Variants in CPLANE1 observed in about 807,000 individuals in gnomAD.
CPLANE1 encodes ciliogenesis and planar polarity effector complex subunit 1.
Under a neutral mutation model 362.5 loss-of-function variants are expected in CPLANE1, and 263 were observed. The observed-to-expected ratio is 0.73, with a 90% CI of 0.66 to 0.80. The LOEUF is 0.80. CPLANE1 is among the 30% of genes least tolerant of loss of function. CPLANE1 has a pLI of 0.00. For missense variants in CPLANE1, 3,461 were observed against 3,793.4 expected (o/e 0.91, Z 2.30); for synonymous variants, 1,212 against 1,302.6 (o/e 0.93, Z 1.50).
intron 26 of CPLANE1, among the ~76,000 whole-genome samples, chr5:37,181,818 C>A (rs559196143): frequency 6.7e-6 from 1 of 148,980 alleles, no homozygotes; most frequent in Admixed American, 6.7e-5. Flanking sequence ...CTGGACCAGG[C>A]GCAGTGGCTC....
chr5:37,176,456 C>T (rs1165416460), intron 30 of CPLANE1, among the ~76,000 whole-genome samples: 2 of 151,584 alleles, frequency 1.3e-5, no homozygotes, highest in South Asian at 2.1e-4. Flanking sequence ...GGTGACATGG[C>T]GAATCCCATC....
intron 9 of CPLANE1, among the ~76,000 whole-genome samples, chr5:37,230,178 G>T (rs1246026133): frequency 1.2e-5 from 1 of 80,548 alleles, no homozygotes; most frequent in African/African-American, 4.7e-5. Flanking sequence ...TCCGTCTCAA[G>T]AAAAAAAAAA....
At chr5:37,155,428 G>A (rs1416267474) in intron 41 of CPLANE1, among the ~76,000 whole-genome samples, 1 of 152,178 alleles carries the variant, frequency 6.6e-6, no homozygotes, top group Non-Finnish European at 1.5e-5. Flanking sequence ...AGGCTGGAGT[G>A]CAGTGGTGAG....
intron 2 of CPLANE1, among the ~76,000 whole-genome samples, chr5:37,246,739 C>T (rs930825320): frequency 1.3e-5 from 2 of 151,982 alleles, no homozygotes; most frequent in Admixed American, 1.3e-4. Flanking sequence ...AACCCCTAGC[C>T]TCTACTAAAA....
rs1418744941 is a variant in CPLANE1 at position 37,107,072 on chromosome 5, G to A, written c.*530C>T. 1 of 985,242 alleles carries A rather than the reference G, an allele frequency of 1.0e-6. No homozygotes were observed. Among genetic ancestry groups the A allele is most frequent in the Non-Finnish European group, 1.2e-6 (1 of 829,894 alleles). 61.0% of individuals were successfully genotyped at this position (985,242 alleles called of 1,614,324 possible). A position where few individuals can be genotyped will look rare whatever the true frequency, so the allele number is the denominator to read the frequency against. On this transcript the variant is annotated 3_prime_UTR_variant, in exon 53 of 53. Coordinates refer to ENST00000651892, the MANE Select transcript of CPLANE1 (RefSeq NM_001384732.1). ...GATCTCCTGGCCTCCATGAAACTTTGCTTATTTAGAGATTCAGGGTTGGTA... is the reference window on the plus strand; with the variant it reads ...GATCTCCTGGCCTCCATGAAACTTTACTTATTTAGAGATTCAGGGTTGGTA...
intron 47 of CPLANE1, among the ~76,000 whole-genome samples, chr5:37,123,669 C>A (rs1354216827): frequency 2.0e-5 from 3 of 152,122 alleles, no homozygotes; most frequent in Non-Finnish European, 4.4e-5. Flanking sequence ...GCATGTGCCA[C>A]CACATCTGGC....
At chr5:37,115,161 C>A in intron 50 of CPLANE1, 112 bp from the exon 51 acceptor site, 1 of 751,324 alleles carries the variant, frequency 1.3e-6, no homozygotes, top group Non-Finnish European at 2.2e-6. Context: ...ATCTGCTCAC[C>A]AAGCCCTGTT....
chr5:37,124,450 C>A (rs1453342317), intron 47 of CPLANE1, among the ~76,000 whole-genome samples: 1 of 152,144 alleles, frequency 6.6e-6, no homozygotes, highest in Non-Finnish European at 1.5e-5. Flanking sequence ...ACCACACACA[C>A]AGAACTGACA....
chr5:37,213,946 T>G (rs1466895626), intron 15 of CPLANE1, among the ~76,000 whole-genome samples: 2 of 152,186 alleles, frequency 1.3e-5, no homozygotes, highest in Admixed American at 1.3e-4. Context: ...CTTCACGGGT[T>G]TGAACTGCAT....
At chr5:37,210,117 G>A in intron 16 of CPLANE1, 1 of 882,498 alleles carries the variant, frequency 1.1e-6, no homozygotes, top group Non-Finnish European at 1.9e-6. Context: ...TTTTGAGAAA[G>A]CTTGTCAAGC....
the CPLANE1 span, among the ~76,000 whole-genome samples, chr5:37,076,414 T>G: frequency 5.3e-5 from 8 of 152,224 alleles, no homozygotes; most frequent in African/African-American, 1.9e-4. Context: ...CAGATTCAAG[T>G]GATTCTCATG....
the CPLANE1 span, chr5:37,085,998 A>T: frequency 6.8e-6 from 4 of 592,024 alleles, no homozygotes; most frequent in African/African-American, 1.9e-5. Flanking sequence ...CAACAGGAAA[A>T]TATCACAATC....
At chr5:37,184,116 G>A (rs967444269) in intron 25 of CPLANE1, among the ~76,000 whole-genome samples, 4 of 152,042 alleles carry the variant, frequency 2.6e-5, no homozygotes, top group African/African-American at 9.7e-5. Context: ...GCATCTGCCC[G>A]CTCAGCTCCC....
intron 46 of CPLANE1, among the ~76,000 whole-genome samples, chr5:37,132,589 G>A (rs917963995): frequency 3.9e-5 from 6 of 151,952 alleles, no homozygotes; most frequent in African/African-American, 9.7e-5. Flanking sequence ...CTTGTAATCC[G>A]CCCGCCTTGG....
intron 31 of CPLANE1, among the ~76,000 whole-genome samples, chr5:37,175,348 A>G (rs1311773366): frequency 6.6e-6 from 1 of 152,214 alleles, no homozygotes; most frequent in East Asian, 1.9e-4. Flanking sequence ...ACTCATGCAG[A>G]CGCAACAACA....
intron 21 of CPLANE1, among the ~76,000 whole-genome samples, chr5:37,188,090 A>G (rs1403428850): frequency 6.6e-6 from 1 of 152,256 alleles, no homozygotes; most frequent in Non-Finnish European, 1.5e-5. Context: ...TATTTCTAAT[A>G]GTAAATAATT....
At chr5:37,089,377 C>G in the CPLANE1 span, among the ~76,000 whole-genome samples, 1 of 152,098 alleles carries the variant, frequency 6.6e-6, no homozygotes, top group African/African-American at 2.4e-5. Flanking sequence ...TCTGCAGACC[C>G]CTTTCAAACA....
At chr5:37,143,501 C>T (rs1487754606) in intron 43 of CPLANE1, among the ~76,000 whole-genome samples, 1 of 151,980 alleles carries the variant, frequency 6.6e-6, no homozygotes, top group Non-Finnish European at 1.5e-5. Flanking sequence ...AATGTAGCCA[C>T]CAAAATTAAA....
At position 37,175,829 on chromosome 5, in the gene CPLANE1, T is replaced by C. The variant is rs1242999558; in HGVS notation, c.5978+80A>G. 4.4e-6 allele frequency: 4 copies of C among 914,652 alleles called. No individual in the cohort carries two copies. The African/African-American group carries it at 5.0e-5, about 12-fold the overall frequency. The allele number at this position is 914,652 out of a possible 1,614,324, so 56.7% of individuals were successfully genotyped here. A position where few individuals can be genotyped will look rare whatever the true frequency, so the allele number is the denominator to read the frequency against. ...CAAAATGTAGCAATTGTTTCAAAAA[T>C]GGTACAGTCGGCATACTTTCACTCT... On this transcript the variant is annotated intron_variant, in intron 31 of 52. Coordinates refer to ENST00000651892, the MANE Select transcript of CPLANE1 (RefSeq NM_001384732.1).
Sources: gnomAD v4.1 joint callset for allele counts (sites outside exome capture counted in the v4.1 genomes callset) on GRCh38, gnomAD v4.1.1 for gene constraint, MANE v1.5 for transcripts, NCBI Gene and HGNC (gene_info 2026-07-23, HGNC 2026-07-21) for gene names.